The following DISP1 variants were observed in gnomAD, a reference collection of about 807,000 sequenced individuals.
DISP1 encodes dispatched RND transporter family member 1, also known as protein dispatched homolog 1.
DISP1 carries 30 observed loss-of-function variants against 37.3 expected under a neutral mutation model. That is an observed-to-expected ratio of 0.80 (90% CI 0.60 to 1.09). DISP1 has a LOEUF of 1.09. Among genes scored for constraint, DISP1 ranks in the 50% least tolerant of loss-of-function variants. The pLI is 0.00. For missense variants in DISP1, 1,598 were observed against 1,879.5 expected, an observed-to-expected ratio of 0.85 and a Z score of 2.77; for synonymous variants, 634 against 690.2, an observed-to-expected ratio of 0.92 and a Z score of 1.28.
Position 223,002,789 on chromosome 1 carries a change from GA to G in DISP1, c.1393del (p.Met465Ter). The G allele has an allele frequency of 6.2e-7, 1 of 1,614,136 alleles. No homozygotes were observed. Among genetic ancestry groups the G allele is most frequent in the Non-Finnish European group, 8.5e-7 (1 of 1,180,044 alleles). On this transcript the variant is annotated frameshift_variant, in exon 9 of 9. Coordinates refer to ENST00000675850, the MANE Select transcript of DISP1 (RefSeq NM_001377229.1). LOFTEE classifies it low-confidence loss of function (END_TRUNC). Reference protein sequence around the residue: ...FSPTEKGESMMNIYLDNFENW... With the variant: ...FSPTEKGESMXNIYLDNFENW... The stretch of plus-strand genomic sequence containing the variant: ...CTCCCACAGAGAAAGGGGAGAGCAT[GA>G]TGAACATTTACTTGGACAACTTTGA...
At chr1:222,924,550 A>G (rs1396353222) in intron 1 of DISP1, among the ~76,000 whole-genome samples, 1 of 152,176 alleles carries the variant, frequency 6.6e-6, no homozygotes, top group Non-Finnish European at 1.5e-5. Flanking sequence ...TTCAGTGGGT[A>G]TGGAACTATT....
At chr1:222,840,083 T>G (rs1667497385) in intron 1 of DISP1, among the ~76,000 whole-genome samples, 1 of 152,222 alleles carries the variant, frequency 6.6e-6, no homozygotes, top group African/African-American at 2.4e-5. Context: ...TTATGTAATT[T>G]ATGAAAACTG....
chr1:222,823,702 GTA>G (rs1663549250), intron 1 of DISP1, among the ~76,000 whole-genome samples: 2 of 152,068 alleles, frequency 1.3e-5, no homozygotes, highest in South Asian at 4.1e-4. Flanking sequence ...AAGCAAAAAA[GTA>G]TATGTGTTTT....
chr1:222,852,501 C>T (rs1027867785), intron 1 of DISP1, among the ~76,000 whole-genome samples: 4 of 152,018 alleles, frequency 2.6e-5, no homozygotes, highest in African/African-American at 7.2e-5. Flanking sequence ...GCCACCGTGC[C>T]CGGCACCAAA....
chr1:222,989,649 A>G, intron 4 of DISP1: 1 of 755,204 alleles, frequency 1.3e-6, no homozygotes, highest in Non-Finnish European at 1.6e-6. Flanking sequence ...GGAGAGTACA[A>G]GCATCAGATG....
At chr1:222,885,880 A>G (rs889112827) in intron 1 of DISP1, among the ~76,000 whole-genome samples, 11 of 151,820 alleles carry the variant, frequency 7.2e-5, no homozygotes, top group Non-Finnish European at 1.2e-4. Flanking sequence ...ACACACACAC[A>G]CACACAGACA....
rs201612131 is a variant in DISP1 at position 223,004,059 on chromosome 1, C to T, written c.2662C>T (p.Leu888=). The change falls in exon 9 of 9, where the codon CTG becomes TTG. Residue 888 remains leucine (L), a synonymous_variant. Coordinates refer to ENST00000675850, the MANE Select transcript of DISP1 (RefSeq NM_001377229.1). This position sits in a 1 kb window ranked among gnomAD's most constrained non-coding sequence, Gnocchi z 4.9. ...CCCCTACAAGCAAGAGATTTTTGAA[C>T]TGTGCATCAAGAGAGCTATCATGGA... ...SFPYKQEIFE[L]CIKRAIMELE... 59 of 1,614,164 alleles carry T rather than the reference C, an allele frequency of 3.7e-5. No individual in the cohort carries two copies. In the Admixed American group the frequency reaches 6.2e-4, roughly 17 times the overall value.
chr1:222,833,244 A>C (rs569620980), intron 1 of DISP1, among the ~76,000 whole-genome samples: 1 of 151,352 alleles, frequency 6.6e-6, no homozygotes, highest in Non-Finnish European at 1.5e-5. Context: ...ACAAAGTGAT[A>C]AGAGTTGAGA....
chr1:222,979,600 G>C (rs1030231625), intron 3 of DISP1: 4 of 470,884 alleles, frequency 8.5e-6, no homozygotes, highest in African/African-American at 8.0e-5. Context: ...TACAGCTTTT[G>C]GGGGTTTTTG....
At chr1:222,939,956 T>C (rs1352032729) in intron 2 of DISP1, among the ~76,000 whole-genome samples, 1 of 151,856 alleles carries the variant, frequency 6.6e-6, no homozygotes, top group African/African-American at 2.4e-5. Context: ...AGATCCCGTC[T>C]CTACTAAAAA....
At chr1:222,898,784 A>G (rs1013215527) in intron 1 of DISP1, among the ~76,000 whole-genome samples, 2 of 152,168 alleles carry the variant, frequency 1.3e-5, no homozygotes, top group African/African-American at 4.8e-5. Flanking sequence ...TAGATAATGT[A>G]TGAGGCTGCT....
intron 4 of DISP1, chr1:222,989,251 A>C (rs1045457828): frequency 1.3e-4 from 52 of 391,266 alleles, no homozygotes; most frequent in African/African-American, 1.1e-3. Context: ...ATTTCAAATG[A>C]GCCAGAAATA....
chr1:223,002,534 G>T lies in DISP1; in HGVS notation c.1137G>T (p.Leu379Phe). The T allele has an allele frequency of 6.2e-7, 1 of 1,614,180 alleles. No homozygotes were observed. Among genetic ancestry groups the T allele is most frequent in the Non-Finnish European group, 8.5e-7 (1 of 1,180,044 alleles). The change falls in exon 9 of 9, where the codon TTG (leucine) becomes TTT (phenylalanine). Residue 379 changes from leucine to phenylalanine, a missense_variant. Transcript: ENST00000675850. ...TTGAGCGAGACGTTTCTCATACCTT[G>T]AAGCTGCTTCGGACTTGTGCCAAAC... is the stretch of plus-strand genomic sequence containing the variant. ...KIVERDVSHT[L>F]KLLRTCAKHY...
intron 1 of DISP1, among the ~76,000 whole-genome samples, chr1:222,914,504 C>T (rs1196557185): frequency 2.6e-5 from 4 of 152,136 alleles, no homozygotes; most frequent in African/African-American, 7.2e-5. Context: ...TTCACTCATC[C>T]TCTTGAAAAG....
chr1:222,872,104 G>T lies in DISP1; in HGVS notation c.-158-56326G>T, dbSNP rs991184963. Reference sequence around the variant, plus strand: ...CTGGATTACGTTTATTGATTTTCATGTTGAATCAGCCTTGCATCCCAGGGA... The same window carrying T: ...CTGGATTACGTTTATTGATTTTCATTTTGAATCAGCCTTGCATCCCAGGGA... On this transcript the variant is annotated intron_variant, in intron 1 of 8. Coordinates refer to ENST00000675850, the MANE Select transcript of DISP1 (RefSeq NM_001377229.1). 1.3e-5 allele frequency among the ~76,000 whole-genome samples: 2 copies of T among 151,562 alleles called. 1 individual carries two copies. The highest frequency in any genetic ancestry group is 4.2e-4 in the South Asian group (2 of 4,818).
chr1:222,849,481 A>T (rs1668106548), intron 1 of DISP1, among the ~76,000 whole-genome samples: 1 of 151,498 alleles, frequency 6.6e-6, no homozygotes, highest in African/African-American at 2.5e-5. Context: ...ACCTTTCAAG[A>T]TCACTGTACC....
intron 2 of DISP1, among the ~76,000 whole-genome samples, chr1:222,937,830 T>A (rs1229816408): frequency 1.4e-5 from 2 of 146,186 alleles, no homozygotes; most frequent in Non-Finnish European, 3.0e-5. Context: ...CATTCCCCTG[T>A]GTTTTATGGC....
chr1:222,889,230 A>G (rs1189339536), intron 1 of DISP1, among the ~76,000 whole-genome samples: 1 of 152,154 alleles, frequency 6.6e-6, no homozygotes, highest in Admixed American at 6.5e-5. Flanking sequence ...CAGGAGAAGA[A>G]AAAACCCTCA....
intron 3 of DISP1, among the ~76,000 whole-genome samples, chr1:222,944,377 A>C (rs1022654208): frequency 8.5e-5 from 13 of 152,178 alleles, no homozygotes; most frequent in Admixed American, 8.5e-4. Flanking sequence ...ATAGGTTAGC[A>C]ATGGTAATAT....
Sources: allele counts gnomAD v4.1 joint callset (sites outside exome capture counted in the v4.1 genomes callset), GRCh38; gene constraint gnomAD v4.1.1; non-coding constraint Gnocchi (gnomAD v3.1); transcripts MANE v1.5; gene names NCBI Gene and HGNC (gene_info 2026-07-23, HGNC 2026-07-21).